DOCK9: variants seen among roughly 807,000 people sequenced by gnomAD.
The protein encoded by DOCK9 is dedicator of cytokinesis protein 9.
DOCK9 carries 89 observed loss-of-function variants against 263.3 expected under a neutral mutation model. That is an observed-to-expected ratio of 0.34 (90% CI 0.28 to 0.40). DOCK9 has a LOEUF of 0.40. DOCK9 is among the 10% of genes least tolerant of loss of function. The pLI is 1.00. For synonymous variants in DOCK9, 976 were observed against 973.1 expected, an observed-to-expected ratio of 1.00 and a Z score of -0.06; for missense variants, 2,140 against 2,603.4, an observed-to-expected ratio of 0.82 and a Z score of 3.87.
intron 1 of DOCK9, chr13:98,959,476 C>G (rs750576637): frequency 6.6e-6 from 1 of 152,262 alleles, no homozygotes; most frequent in Non-Finnish European, 1.5e-5. Flanking sequence ...GGAAGCACTT[C>G]CGGGACACAT....
chr13:99,056,058 T>C (rs967687420), intron 1 of DOCK9, among the ~76,000 whole-genome samples: 1 of 152,236 alleles, frequency 6.6e-6, no homozygotes, highest in East Asian at 1.9e-4. Flanking sequence ...CTGTATTCTA[T>C]ACCAAAGCCT....
At chr13:98,827,011 T>C (rs1375678626) in intron 43 of DOCK9, 124 bp from the exon 44 acceptor site, 3 of 627,682 alleles carry the variant, frequency 4.8e-6, no homozygotes, top group Non-Finnish European at 7.9e-6. Context: ...CCAGCTAGTA[T>C]TTCTAATAGC....
At chr13:99,067,945 G>C (rs1159410814) in intron 1 of DOCK9, among the ~76,000 whole-genome samples, 1 of 151,172 alleles carries the variant, frequency 6.6e-6, no homozygotes, top group Non-Finnish European at 1.5e-5. Flanking sequence ...AATTCTGGGA[G>C]CTATTCTGAA....
chr13:99,024,578 T>A (rs137906609), intron 1 of DOCK9, among the ~76,000 whole-genome samples: 1 of 152,348 alleles, frequency 6.6e-6, no homozygotes, highest in East Asian at 1.9e-4. Context: ...ACTTTTATCT[T>A]ACATTTTAGC....
chr13:98,840,983 T>C (rs571987498), intron 38 of DOCK9, among the ~76,000 whole-genome samples: 4 of 152,374 alleles, frequency 2.6e-5, no homozygotes, highest in East Asian at 3.9e-4. Context: ...TATGGTTTTA[T>C]TGAGTTCAAA....
intron 15 of DOCK9, among the ~76,000 whole-genome samples, chr13:98,892,823 G>A (rs990381458): frequency 2.6e-5 from 4 of 152,122 alleles, no homozygotes; most frequent in South Asian, 2.1e-4. Flanking sequence ...TATTCATGGT[G>A]GGAGAAATCA....
chr13:98,833,830 T>C (rs932416872), intron 39 of DOCK9, among the ~76,000 whole-genome samples: 1 of 152,178 alleles, frequency 6.6e-6, no homozygotes, highest in Non-Finnish European at 1.5e-5. Context: ...TCTCATCACA[T>C]AGAAGGTAAC....
chr13:98,964,880 G>A (rs2059040653), intron 1 of DOCK9, among the ~76,000 whole-genome samples: 1 of 152,216 alleles, frequency 6.6e-6, no homozygotes, highest in East Asian at 1.9e-4. Context: ...CACCGGATGG[G>A]CCAGTGCCCT....
At chr13:98,969,524 G>A (rs368650085) in intron 1 of DOCK9, among the ~76,000 whole-genome samples, 4 of 151,980 alleles carry the variant, frequency 2.6e-5, no homozygotes, top group African/African-American at 7.3e-5. Flanking sequence ...AAAACCACTC[G>A]GGTGGTTCTT....
At chr13:98,848,492 T>G in intron 37 of DOCK9, 100 bp downstream of exon 37, 1 of 1,303,778 alleles carries the variant, frequency 7.7e-7, no homozygotes, top group Non-Finnish European at 1.1e-6. Context: ...GCCGCTTCCA[T>G]GAACCCCAAC....
At chr13:98,828,556 T>C (rs1179342296) in intron 43 of DOCK9, among the ~76,000 whole-genome samples, 1 of 152,370 alleles carries the variant, frequency 6.6e-6, no homozygotes, top group South Asian at 2.1e-4. Flanking sequence ...ACTTAGAGTA[T>C]GTTTATTAAT....
chr13:98,994,517 G>A (rs918687538), intron 1 of DOCK9, among the ~76,000 whole-genome samples: 31 of 152,260 alleles, frequency 2.0e-4, no homozygotes, highest in South Asian at 6.2e-4. Context: ...CAATCCTACC[G>A]GGAGAATTAC....
At chr13:98,955,993 C>A (rs140978499) in intron 1 of DOCK9, among the ~76,000 whole-genome samples, 2 of 152,346 alleles carry the variant, frequency 1.3e-5, no homozygotes, top group East Asian at 1.9e-4. Context: ...TTATTTCAGA[C>A]AAGGGGCTCC....
intron 30 of DOCK9, 107 bp downstream of exon 30, chr13:98,867,318 G>T: frequency 1.4e-6 from 1 of 733,208 alleles, no homozygotes. Context: ...ATTCATCAAT[G>T]AAAAAAATCA....
At chr13:98,881,847 T>G (rs147755811) in intron 24 of DOCK9, 45 bp downstream of exon 24, 1 of 1,480,392 alleles carries the variant, frequency 6.8e-7, no homozygotes, top group African/African-American at 1.4e-5. Flanking sequence ...GCTCCAGATG[T>G]GGACAGACTA....
intron 49 of DOCK9, among the ~76,000 whole-genome samples, chr13:98,803,908 G>A (rs1463043158): frequency 2.7e-5 from 4 of 150,522 alleles, no homozygotes; most frequent in African/African-American, 9.8e-5. Context: ...CCTGCAATAC[G>A]CTGTCCTGGG....
chr13:98,933,645 C>A (rs1027181061), intron 2 of DOCK9, among the ~76,000 whole-genome samples: 1 of 152,196 alleles, frequency 6.6e-6, no homozygotes, highest in Non-Finnish European at 1.5e-5. Flanking sequence ...TTAGTACATA[C>A]GTAGTGTAGC....
intron 1 of DOCK9, among the ~76,000 whole-genome samples, chr13:99,019,271 T>C (rs531117023): frequency 3.3e-5 from 5 of 152,188 alleles, no homozygotes; most frequent in African/African-American, 1.2e-4. Flanking sequence ...AGGTTTCTTT[T>C]TAGGGTAATG....
intron 15 of DOCK9, among the ~76,000 whole-genome samples, chr13:98,892,349 A>G (rs2046752432): frequency 6.6e-6 from 1 of 152,200 alleles, no homozygotes; most frequent in Non-Finnish European, 1.5e-5. Flanking sequence ...GTGTTTCTGC[A>G]GCCGGTCTTC....
Sources: gnomAD v4.1 joint callset for allele counts (sites outside exome capture counted in the v4.1 genomes callset) on GRCh38, gnomAD v4.1.1 for gene constraint, MANE v1.5 for transcripts, NCBI Gene and HGNC (gene_info 2026-07-23, HGNC 2026-07-21) for gene names.